The following RIF1 variants were observed in gnomAD, a reference collection of about 807,000 sequenced individuals.
RIF1 encodes replication timing regulatory factor 1, also known as telomere-associated protein RIF1.
Under a neutral mutation model 247.1 loss-of-function variants are expected in RIF1, and 45 were observed. The ratio of observed to expected loss-of-function variants is 0.18; its 90% CI spans 0.14 to 0.23. The LOEUF is 0.23. Ranked by LOEUF, RIF1 falls within the 10% of genes least tolerant of loss-of-function variation. The probability of loss-of-function intolerance (pLI) is 1.00; values close to 1 mark genes in which losing one functional copy is unlikely to be tolerated. For missense variants in RIF1, 2,967 were observed against 2,862.5 expected, an observed-to-expected ratio of 1.04 and a Z score of -0.83; for synonymous variants, 1,087 against 978.8, an observed-to-expected ratio of 1.11 and a Z score of -2.06.
rs1482681240 is a variant in RIF1 at position 151,460,023 on chromosome 2, G to T, written c.2979G>T (p.Val993=). ...SDGTENSQLN[V]KISGMERKSN... is the part of the protein sequence containing the mutation. ...AGACAGAAAATTCACAACTAAATGT[G>T]AAGATAAGTGGCATGGAGAGAAAAT... Residue 993 remains valine (V), a synonymous_variant, in exon 26 of 36, where the codon GTG becomes GTT. Coordinates refer to ENST00000444746, the MANE Select transcript of RIF1 (RefSeq NM_018151.5). 6.5e-7 allele frequency: 1 copy of T among 1,547,166 alleles called. No homozygotes were observed. The highest frequency in any genetic ancestry group is 1.4e-5 in the African/African-American group (1 of 72,166).
At chr2:151,442,642 C>G (rs922107249) in intron 16 of RIF1, among the ~76,000 whole-genome samples, 2 of 151,790 alleles carry the variant, frequency 1.3e-5, no homozygotes, top group Admixed American at 6.6e-5. Flanking sequence ...CACTTAGTAT[C>G]TCTAGGATAT....
intron 34 of RIF1, among the ~76,000 whole-genome samples, chr2:151,473,383 C>T (rs1186596663): frequency 2.7e-5 from 4 of 150,746 alleles, no homozygotes; most frequent in Non-Finnish European, 5.9e-5. Context: ...TGCAGCTGCA[C>T]CTCCTGGACT....
At chr2:151,524,300 A>G in the RIF1 span, 1 of 1,610,848 alleles carries the variant, frequency 6.2e-7, no homozygotes, top group Non-Finnish European at 8.5e-7. Flanking sequence ...CAGTGCACCC[A>G]TCTGCATTAC....
At chr2:151,414,951 A>G (rs1296598029) in intron 4 of RIF1, 32 bp downstream of exon 4, 3 of 1,337,656 alleles carry the variant, frequency 2.2e-6, no homozygotes, top group Non-Finnish European at 3.2e-6. Context: ...TAATATTTTT[A>G]GAGTATAAAG....
the RIF1 span, chr2:151,526,206 G>A: frequency 6.2e-7 from 1 of 1,613,914 alleles, no homozygotes; most frequent in Non-Finnish European, 8.5e-7. Flanking sequence ...TCTGAGGCGT[G>A]TCAGGTACGG....
chr2:151,480,793 C>T lies in RIF1; in HGVS notation c.*5722C>T, dbSNP rs955705906. The stretch of plus-strand genomic sequence containing the variant: ...TTTATTTTTATAGAATAGGAAGTTT[C>T]TAAAAGAAAACAATTAAGAGCAAAA... On this transcript the variant is annotated 3_prime_UTR_variant, in exon 36 of 36. Transcript: ENST00000444746. 3.3e-5 allele frequency: 5 copies of T among 152,002 alleles called. No individual in the cohort carries two copies. The highest frequency in any genetic ancestry group is 1.3e-4 in the Admixed American group (2 of 15,258). 9.4% of individuals were successfully genotyped at this position (152,002 alleles called of 1,614,324 possible). A position where few individuals can be genotyped will look rare whatever the true frequency, so the allele number is the denominator to read the frequency against.
rs535216282 is a variant in RIF1, at chr2:151,479,268, T to C, written c.*4197T>C. 3 of 152,294 alleles carry C rather than the reference T, an allele frequency of 2.0e-5. No individual in the cohort carries two copies. In the East Asian group the frequency reaches 5.8e-4, roughly 29 times the overall value. 9.4% of individuals were successfully genotyped at this position (152,294 alleles called of 1,614,324 possible). A position where few individuals can be genotyped will look rare whatever the true frequency, so the allele number is the denominator to read the frequency against. ...TTAAAGTTCAAAAATTATAAGAAAG[T>C]TAAGAATTTTGCTTAAGAGCCTTTT... On this transcript the variant is annotated 3_prime_UTR_variant, in exon 36 of 36. Coordinates refer to ENST00000444746, the MANE Select transcript of RIF1 (RefSeq NM_018151.5).
the RIF1 span, chr2:151,527,022 A>C: frequency 6.3e-7 from 1 of 1,581,400 alleles, no homozygotes; most frequent in South Asian, 1.1e-5. Flanking sequence ...TTATATTCAA[A>C]CTGTGATAGA....
intron 11 of RIF1, chr2:151,502,834 C>A: frequency 6.2e-7 from 1 of 1,607,846 alleles, no homozygotes; most frequent in Non-Finnish European, 8.5e-7. Context: ...CTCTCCATCT[C>A]TGGAGTGATA....
chr2:151,450,157 T>C (rs2444268), intron 20 of RIF1, among the ~76,000 whole-genome samples: 10,645 of 146,844 alleles, frequency 0.072, 1,068 homozygotes, highest in African/African-American at 0.23. Flanking sequence ...TGTCCCCCCC[T>C]TTTTTTTTTA....
At position 151,428,397 on chromosome 2, in the gene RIF1, G is replaced by A. The variant is rs143596704; in HGVS notation, c.787-387G>A. The stretch of plus-strand genomic sequence containing the variant: ...AAAGGTTATTTTTATTATTTTCAGG[G>A]TTCAATGCCTTTTTTCTCTAATATA... On this transcript the variant is annotated intron_variant, in intron 8 of 35. Coordinates refer to ENST00000444746, the MANE Select transcript of RIF1 (RefSeq NM_018151.5). Among the ~76,000 whole-genome samples the A allele has an allele frequency of 1.8e-3, 270 of 151,952 alleles. 1 individual carries two copies. Among genetic ancestry groups the A allele is most frequent in the African/African-American group, 6.0e-3 (247 of 41,442 alleles).
At chr2:151,458,620 A>T (rs1695624229) in intron 24 of RIF1, among the ~76,000 whole-genome samples, 191 bp from the exon 25 acceptor site, 1 of 152,146 alleles carries the variant, frequency 6.6e-6, no homozygotes, top group South Asian at 2.1e-4. Context: ...GGAATTCAGA[A>T]AAGTACAGGG....
chr2:151,451,949 G>A (rs543550677), intron 21 of RIF1, among the ~76,000 whole-genome samples: 2 of 151,854 alleles, frequency 1.3e-5, no homozygotes, highest in Middle Eastern at 3.4e-3. Flanking sequence ...TTTTTACAAC[G>A]CAGAAAGATA....
At chr2:151,499,509 A>AAGTC in exon 11 of RIF1, 1 of 645,364 alleles carries the variant, frequency 1.5e-6, no homozygotes, top group African/African-American at 1.8e-5. Flanking sequence ...CAGATTCAAC[A>AAGTC]AGTCAACCTC....
chr2:151,531,695 C>A, the RIF1 span: 2 of 885,436 alleles, frequency 2.3e-6, no homozygotes, highest in Non-Finnish European at 3.7e-6. Context: ...CACTAAATGG[C>A]AGTAGTCTCC....
At chr2:151,494,278 A>C (rs1376805508) in intron 9 of RIF1, 1 of 1,485,610 alleles carries the variant, frequency 6.7e-7, no homozygotes, top group Non-Finnish European at 9.2e-7. Flanking sequence ...TGGGTCCAAA[A>C]AGCCAAAAAG....
chr2:151,507,922 T>C lies in RIF1; in HGVS notation c.*1221T>C, dbSNP rs1320249876. On this transcript the variant is annotated 3_prime_UTR_variant and NMD_transcript_variant, in exon 14 of 14. Transcript: ENST00000454583. ...GTGGAGGGCTGCACAACAGCCCCAC[T>C]GCAAGCCTGGGATATCCAGAGGCAT... The C allele has an allele frequency of 6.1e-6, 6 of 979,686 alleles. No individual in the cohort carries two copies. The African/African-American group carries it at 9.7e-5, about 16-fold the overall frequency. The allele number at this position is 979,686 out of a possible 1,614,324, so 60.7% of individuals were successfully genotyped here. A position where few individuals can be genotyped will look rare whatever the true frequency, so the allele number is the denominator to read the frequency against.
intron 4 of RIF1, among the ~76,000 whole-genome samples, chr2:151,415,800 C>G (rs1363970181): frequency 6.6e-6 from 1 of 151,942 alleles, no homozygotes; most frequent in Non-Finnish European, 1.5e-5. Flanking sequence ...TCGCTTGAAC[C>G]TGGGAGATGG....
chr2:151,467,158 T>A (rs573664771), intron 30 of RIF1, among the ~76,000 whole-genome samples: 52 of 151,764 alleles, frequency 3.4e-4, no homozygotes, highest in African/African-American at 1.3e-3. Context: ...GAACCCAGGA[T>A]GCAGAGGTCG....
Sources: allele counts gnomAD v4.1 joint callset (sites outside exome capture counted in the v4.1 genomes callset), GRCh38; gene constraint gnomAD v4.1.1; transcripts MANE v1.5; gene names NCBI Gene and HGNC (gene_info 2026-07-23, HGNC 2026-07-21).